DMTN: variants seen among roughly 807,000 people sequenced by gnomAD.
The protein encoded by DMTN is dematin.
A neutral mutation model predicts 59.4 loss-of-function variants in DMTN; 27 were observed. That is an observed-to-expected ratio of 0.45 (90% CI 0.33 to 0.63). The LOEUF (loss-of-function observed/expected upper bound fraction) is 0.63. DMTN is among the 20% of genes least tolerant of loss of function. The probability of loss-of-function intolerance (pLI) is 0.02; values close to 1 mark genes in which losing one functional copy is unlikely to be tolerated. For missense variants in DMTN, 451 were observed against 528.9 expected (o/e 0.85, Z 1.45); for synonymous variants, 221 against 203.7 (o/e 1.08, Z -0.72).
intron 10 of DMTN, among the ~76,000 whole-genome samples, chr8:22,075,142 G>T (rs969048044): frequency 3.3e-5 from 5 of 149,804 alleles, no homozygotes; most frequent in Admixed American, 6.7e-5. Context: ...AGTCGAGATG[G>T]AGCCACTGCA....
At chr8:22,067,016 T>G in intron 2 of DMTN, 69 bp from the exon 3 acceptor site, 1 of 1,432,532 alleles carries the variant, frequency 7.0e-7, no homozygotes, top group Non-Finnish European at 9.2e-7. Context: ...CCCCCAGGCC[T>G]AGGGCCGCCC....
At chr8:22,076,775 T>C (rs572062770) in intron 10 of DMTN, among the ~76,000 whole-genome samples, 1 of 152,024 alleles carries the variant, frequency 6.6e-6, no homozygotes, top group Non-Finnish European at 1.5e-5. Context: ...CACACACACA[T>C]ATACATATAT....
chr8:22,068,896 C>T (rs1563458537), intron 4 of DMTN, 120 bp from the exon 5 acceptor site: 7 of 1,178,428 alleles, frequency 5.9e-6, no homozygotes, highest in Non-Finnish European at 7.6e-6. Flanking sequence ...CAGAGGTGGC[C>T]CAGAAGCTGG....
intron 8 of DMTN, among the ~76,000 whole-genome samples, chr8:22,071,101 TATTTA>T (rs1293211913): frequency 6.6e-6 from 1 of 151,978 alleles, no homozygotes; most frequent in Non-Finnish European, 1.5e-5. Context: ...TTTATTTATT[TATTTA>T]TTTATTTGAG....
chr8:22,081,061 C>T (rs981711560), intron 14 of DMTN, 52 bp from the exon 15 acceptor site: 16 of 1,579,426 alleles, frequency 1.0e-5, no homozygotes, highest in Admixed American at 3.3e-5. Flanking sequence ...CCTAGGGAGT[C>T]GAAGGACAGG....
intron 4 of DMTN, among the ~76,000 whole-genome samples, chr8:22,068,032 C>T (rs894807568): frequency 6.6e-6 from 1 of 152,172 alleles, no homozygotes; most frequent in African/African-American, 2.4e-5. Context: ...AGCTTACCCT[C>T]GTGTAAAATA....
In DMTN at chr8:22,073,710, C is replaced by T. The variant is rs756690264; in HGVS notation, c.730-20C>T. On this transcript the variant is annotated intron_variant, in intron 9 of 15. Coordinates refer to ENST00000358242, the MANE Select transcript of DMTN (RefSeq NM_001387751.1). ...TCAAGTGTCTAAGTCTTGGCTCCAT[C>T]TTCCTTTCTCCCTCCTCAGGTTACT... 15 of 1,552,484 alleles carry T rather than the reference C, an allele frequency of 9.7e-6. No individual in the cohort carries two copies. The South Asian group carries it at 1.6e-4, about 16-fold the overall frequency.
At position 22,069,152 on chromosome 8, in the gene DMTN, G is replaced by A. The variant is rs978571647; in HGVS notation, c.294+92G>A. Reference sequence around the variant, plus strand: ...CACACATCAGACCAAGCTCTGCAGAGCCCAGGGAGTGCCCGAATCAGCGGC... The same window carrying A: ...CACACATCAGACCAAGCTCTGCAGAACCCAGGGAGTGCCCGAATCAGCGGC... On this transcript the variant is annotated intron_variant, in intron 5 of 15. Coordinates refer to ENST00000358242, the MANE Select transcript of DMTN (RefSeq NM_001387751.1). 2.1e-6 allele frequency: 3 copies of A among 1,445,238 alleles called. No homozygotes were observed. In the African/African-American group the frequency reaches 4.3e-5, roughly 21 times the overall value. The allele number at this position is 1,445,238 out of a possible 1,614,324, so 89.5% of individuals were successfully genotyped here.
rs971361871 is a variant in DMTN at position 22,081,029 on chromosome 8, C to G, written c.1024-84C>G. The G allele has an allele frequency of 2.0e-6, 3 of 1,512,110 alleles. No individual in the cohort carries two copies. The African/African-American group carries it at 4.1e-5, about 21-fold the overall frequency. 93.7% of individuals were successfully genotyped at this position (1,512,110 alleles called of 1,614,324 possible). A position where few individuals can be genotyped will look rare whatever the true frequency, so the allele number is the denominator to read the frequency against. ...GCAAGATGGCATGAACCCCAGTGGC[C>G]TCTGCAGGTTGATGTGGGAGGCCTA... On this transcript the variant is annotated intron_variant, in intron 14 of 15. Transcript: ENST00000358242.
chr8:22,054,236 C>G (rs181293086), upstream of DMTN, among the ~76,000 whole-genome samples: 80 of 152,284 alleles, frequency 5.3e-4, no homozygotes, highest in Admixed American at 9.8e-4. Context: ...CCAGGCCTGG[C>G]TGGGCTGAGC....
At chr8:22,075,830 T>A (rs1440069991) in intron 10 of DMTN, among the ~76,000 whole-genome samples, 5 of 152,136 alleles carry the variant, frequency 3.3e-5, no homozygotes, top group Non-Finnish European at 2.9e-5. Flanking sequence ...AGACTCCACT[T>A]CTTGATGACA....
chr8:22,066,656 C>T, intron 1 of DMTN, 49 bp from the exon 2 acceptor site: 1 of 392,570 alleles, frequency 2.5e-6, no homozygotes, highest in East Asian at 4.2e-5. Context: ...CGCGGAGGCC[C>T]CGCAGCCTAA....
intron 10 of DMTN, among the ~76,000 whole-genome samples, chr8:22,074,726 G>A (rs1366379303): frequency 6.6e-6 from 1 of 152,142 alleles, no homozygotes; most frequent in Non-Finnish European, 1.5e-5. Context: ...CAGAGTACAG[G>A]GTACACTGTG....
At chr8:22,050,050 T>TCTC (rs1407308688), upstream of DMTN, among the ~76,000 whole-genome samples, 1 of 152,086 alleles carries the variant, frequency 6.6e-6, no homozygotes, top group African/African-American at 2.4e-5. Context: ...GGACAGACAT[T>TCTC]CTCCCTACTG....
At chr8:22,062,558 A>C (rs1340143341) in intron 1 of DMTN, among the ~76,000 whole-genome samples, 1 of 152,010 alleles carries the variant, frequency 6.6e-6, no homozygotes, top group Non-Finnish European at 1.5e-5. Flanking sequence ...GCTGTCTGCA[A>C]ACACATTAAA....
chr8:22,050,141 G>T (rs190929250), upstream of DMTN, among the ~76,000 whole-genome samples: 3 of 152,200 alleles, frequency 2.0e-5, no homozygotes, highest in African/African-American at 7.2e-5. Context: ...AGACCGCGCC[G>T]TGTTGGGGGT....
chr8:22,066,935 G>T lies in DMTN; in HGVS notation c.18+42G>T, dbSNP rs1434606905. 3.2e-6 allele frequency: 4 copies of T among 1,238,308 alleles called. No homozygotes were observed. The African/African-American group carries it at 6.3e-5, about 20-fold the overall frequency. The allele number at this position is 1,238,308 out of a possible 1,614,324, so 76.7% of individuals were successfully genotyped here. ...CGGGCCGGGGCCGCCGAGGGCGGGT[G>T]GGGGCCGCTTGGGAGTCCAGGGCGC... On this transcript the variant is annotated intron_variant, in intron 2 of 15. Coordinates refer to ENST00000358242, the MANE Select transcript of DMTN (RefSeq NM_001387751.1).
intron 1 of DMTN, among the ~76,000 whole-genome samples, chr8:22,066,083 A>C: frequency 6.6e-6 from 1 of 152,202 alleles, no homozygotes; most frequent in South Asian, 2.1e-4. Context: ...GGTTCAAGCA[A>C]TCCTCCTGCC....
Position 22,066,857 on chromosome 8 carries a change from C to A in DMTN, c.-19C>A. 7.1e-7 allele frequency: 1 copy of A among 1,408,362 alleles called. No homozygotes were observed. The highest frequency in any genetic ancestry group is 9.3e-7 in the Non-Finnish European group (1 of 1,078,258). 87.2% of individuals were successfully genotyped at this position (1,408,362 alleles called of 1,614,324 possible). On this transcript the variant is annotated 5_prime_UTR_variant, in exon 2 of 16. Coordinates refer to ENST00000358242, the MANE Select transcript of DMTN (RefSeq NM_001387751.1). Reference sequence around the variant, plus strand: ...GCACAGGGCTCTGCGAGTGACCCGGCGGGCGAGCTCCGTGCTGCATGGAAC... The same window carrying A: ...GCACAGGGCTCTGCGAGTGACCCGGAGGGCGAGCTCCGTGCTGCATGGAAC...
Sources: gnomAD v4.1 joint callset for allele counts (sites outside exome capture counted in the v4.1 genomes callset) on GRCh38, gnomAD v4.1.1 for gene constraint, MANE v1.5 for transcripts, NCBI Gene and HGNC (gene_info 2026-07-23, HGNC 2026-07-21) for gene names.